ATP7A: variants seen among roughly 807,000 people sequenced by gnomAD.
ATP7A encodes copper-transporting ATPase 1.
ATP7A carries 7 observed loss-of-function variants against 83.5 expected under a neutral mutation model. The observed-to-expected ratio is 0.08, with a 90% CI of 0.05 to 0.16. ATP7A has a LOEUF of 0.16. ATP7A is among the 10% of genes least tolerant of loss of function. The probability of loss-of-function intolerance (pLI) is 1.00; values close to 1 mark genes in which losing one functional copy is unlikely to be tolerated. For synonymous variants in ATP7A, 354 were observed against 395.2 expected (o/e 0.90, Z 1.24); for missense variants, 940 against 1,120.8 (o/e 0.84, Z 2.30).
intron 1 of ATP7A, among the ~76,000 whole-genome samples, chrX:77,941,385 G>T (rs1304602732): frequency 1.8e-5 from 2 of 111,110 alleles, no homozygotes; most frequent in African/African-American, 6.5e-5. Flanking sequence ...TATTGTGGAG[G>T]TCTATATGTC....
intron 5 of ATP7A, among the ~76,000 whole-genome samples, chrX:78,000,213 G>A (rs2077730974): frequency 1.8e-5 from 2 of 110,884 alleles, no homozygotes; most frequent in African/African-American, 6.6e-5. Context: ...CTTCAGTTTA[G>A]CCTCCATTAT....
Position 77,910,720 on chromosome X carries a change from C to T in ATP7A, c.-137C>T, listed in dbSNP as rs191433347. 8.9e-6 allele frequency: 1 copy of T among 112,234 alleles called. No homozygotes were observed. Among genetic ancestry groups the T allele is most frequent in the Non-Finnish European group, 1.9e-5 (1 of 53,266 alleles). The allele number at this position is 112,234 out of a possible 1,213,427, so 9.2% of individuals were successfully genotyped here. On this transcript the variant is annotated 5_prime_UTR_variant, in exon 1 of 23. Coordinates refer to ENST00000341514, the MANE Select transcript of ATP7A (RefSeq NM_000052.7). The stretch of plus-strand genomic sequence containing the variant: ...GAGTTGTTGCTGCCGCCGCCGCAGC[C>T]GCAGCTACTGTGACTTCTCCGATTG...
In ATP7A at chrX:77,988,395, G is replaced by C; in HGVS notation, c.274G>C (p.Val92Leu). ...PVLTDTLFLT[V>L]TASLTLPWDH... ...TTTAACTGACACCTTGTTTCTGACTGTTACGGCGTCACTGACTTTGCCATG... is the reference window on the plus strand; with the variant it reads ...TTTAACTGACACCTTGTTTCTGACTCTTACGGCGTCACTGACTTTGCCATG... The change falls in exon 3 of 23, where the codon GTT becomes CTT. Residue 92 changes from valine (V) to leucine (L), a missense_variant. This residue lies in a region of ATP7A where 350 missense variants were observed against 432.8 expected (regional missense o/e 0.81). Coordinates refer to ENST00000341514, the MANE Select transcript of ATP7A (RefSeq NM_000052.7). 8.3e-7 allele frequency: 1 copy of C among 1,211,586 alleles called. No individual in the cohort carries two copies. Among genetic ancestry groups the C allele is most frequent in the Non-Finnish European group, 1.1e-6 (1 of 895,406 alleles).
chrX:78,027,770 C>G (rs1557236502), intron 14 of ATP7A, among the ~76,000 whole-genome samples: 1 of 110,765 alleles, frequency 9.0e-6, no homozygotes, highest in African/African-American at 3.3e-5. Context: ...AATAGAGAAC[C>G]CAGAAATAAA....
At position 78,043,413 on chromosome X, in the gene ATP7A, G is replaced by A. The variant is rs782483019; in HGVS notation, c.4102G>A (p.Val1368Ile). 1 of 1,206,433 alleles carries A rather than the reference G, an allele frequency of 8.3e-7. No individual in the cohort carries two copies. The highest frequency in any genetic ancestry group is 2.3e-4 in the Middle Eastern group (1 of 4,337). ...TGTCTTTGCTCTAATTTATAATCTG[G>A]TTGGAATTCCCATAGCTGCTGGTAT... ...NFVFALIYNL[V>I]GIPIAAGVFM... The change falls in exon 21 of 23, where the codon GTT becomes ATT. Residue 1368 changes from valine (V) to isoleucine (I), a missense_variant. By Grantham distance (29) the Val-to-Ile change is conservative. This residue lies in a region of ATP7A where 386 missense variants were observed against 502.2 expected (regional missense o/e 0.77). Coordinates refer to ENST00000341514, the MANE Select transcript of ATP7A (RefSeq NM_000052.7).
At chrX:77,981,640 T>G (rs1315083908) in intron 2 of ATP7A, among the ~76,000 whole-genome samples, 5 of 111,396 alleles carry the variant, frequency 4.5e-5, no homozygotes, top group African/African-American at 1.6e-4. Flanking sequence ...CAAGACCTTG[T>G]CTTTTAAAAA....
At chrX:77,990,371 G>C (rs1182040809) in intron 4 of ATP7A, among the ~76,000 whole-genome samples, 1 of 111,915 alleles carries the variant, frequency 8.9e-6, no homozygotes, top group Non-Finnish European at 1.9e-5. Context: ...TTATGTATAT[G>C]AATAAGATTC....
chrX:77,977,425 T>G (rs1365789653), intron 2 of ATP7A, among the ~76,000 whole-genome samples: 1 of 112,395 alleles, frequency 8.9e-6, no homozygotes, highest in Non-Finnish European at 1.9e-5. Flanking sequence ...AGGTACTTAT[T>G]GTCCACTGAC....
chrX:78,041,219 A>T (rs2078045667), intron 19 of ATP7A, among the ~76,000 whole-genome samples: 1 of 111,539 alleles, frequency 9.0e-6, no homozygotes, highest in Non-Finnish European at 1.9e-5. Flanking sequence ...TAACTTTGGA[A>T]TGCCTTCTCC....
intron 4 of ATP7A, among the ~76,000 whole-genome samples, chrX:77,992,929 A>T (rs1557232234): frequency 8.9e-6 from 1 of 112,362 alleles, no homozygotes; most frequent in Admixed American, 9.4e-5. Flanking sequence ...ACATTTTTTT[A>T]AATTTTTGAA....
intron 16 of ATP7A, among the ~76,000 whole-genome samples, chrX:78,033,355 T>G (rs2077994252): frequency 8.9e-6 from 1 of 112,791 alleles, no homozygotes. Flanking sequence ...CCCAGCCGGC[T>G]TCTTCAGCTG....
intron 1 of ATP7A, chrX:77,923,251 C>T (rs1373811447): frequency 8.9e-6 from 1 of 112,030 alleles, no homozygotes; most frequent in African/African-American, 3.2e-5. Flanking sequence ...ATATTTTCAT[C>T]TGCACCCTAG....
In ATP7A at chrX:77,936,887, A is replaced by G. The variant is rs930079455; in HGVS notation, c.-22+26052A>G. On this transcript the variant is annotated intron_variant, in intron 1 of 22. Coordinates refer to ENST00000341514, the MANE Select transcript of ATP7A (RefSeq NM_000052.7). Reference sequence around the variant, plus strand: ...TGGCCTCAAGCCATCCTCTTACCACAGCCTCCTGAATAGCTGGGACTACAA... The same window carrying G: ...TGGCCTCAAGCCATCCTCTTACCACGGCCTCCTGAATAGCTGGGACTACAA... 4.4e-5 allele frequency among the ~76,000 whole-genome samples: 5 copies of G among 112,440 alleles called. No individual in the cohort carries two copies. In the East Asian group the frequency reaches 1.1e-3, roughly 25 times the overall value.
At chrX:78,036,976 G>A (rs1557237824) in intron 17 of ATP7A, among the ~76,000 whole-genome samples, 1 of 111,674 alleles carries the variant, frequency 9.0e-6, no homozygotes, top group Admixed American at 9.5e-5. Context: ...GATATATATG[G>A]CGTATGAGAC....
At chrX:77,954,606 A>T (rs1182088533) in intron 1 of ATP7A, among the ~76,000 whole-genome samples, 5 of 112,295 alleles carry the variant, frequency 4.5e-5, no homozygotes, top group African/African-American at 1.3e-4. Flanking sequence ...AAAGAAAAGG[A>T]TGAATTATAT....
At chrX:78,042,455 A>G in intron 19 of ATP7A, 130 bp from the exon 20 acceptor site, 1 of 669,388 alleles carries the variant, frequency 1.5e-6, no homozygotes, top group Admixed American at 2.5e-5. Flanking sequence ...CATCCTTGCT[A>G]TCACTAGATA....
At position 77,999,837 on chromosome X, in the gene ATP7A, G is replaced by C. The variant is rs1250488389; in HGVS notation, c.1543+1153G>C. 3.7e-5 allele frequency among the ~76,000 whole-genome samples: 4 copies of C among 107,627 alleles called. No homozygotes were observed. In the South Asian group the frequency reaches 1.7e-3, roughly 45 times the overall value. 93.5% of individuals were successfully genotyped at this position (107,627 alleles called of 115,157 possible). A position where few individuals can be genotyped will look rare whatever the true frequency, so the allele number is the denominator to read the frequency against. On this transcript the variant is annotated intron_variant, in intron 5 of 22. Coordinates refer to ENST00000341514, the MANE Select transcript of ATP7A (RefSeq NM_000052.7). The stretch of plus-strand genomic sequence containing the variant: ...GAGAATCTCTTGAACCTGAGAGGCG[G>C]AGGTTGCAGTGAGCTGAGATCGTGC...
At chrX:78,030,550 A>G (rs1250956999) in intron 15 of ATP7A, among the ~76,000 whole-genome samples, 1 of 111,505 alleles carries the variant, frequency 9.0e-6, no homozygotes, top group Non-Finnish European at 1.9e-5. Context: ...TATCAAAATC[A>G]ATAAATTAAT....
At chrX:77,911,709 C>T (rs1327413504) in intron 1 of ATP7A, among the ~76,000 whole-genome samples, 1 of 110,691 alleles carries the variant, frequency 9.0e-6, no homozygotes, top group Non-Finnish European at 1.9e-5. Context: ...TTTGGGAGGC[C>T]GAGGAGGGTG....
Sources: gnomAD v4.1 joint callset for allele counts (sites outside exome capture counted in the v4.1 genomes callset) on GRCh38, gnomAD v4.1.1 for gene constraint, gnomAD v4.1.1 regional missense constraint, MANE v1.5 for transcripts, NCBI Gene and HGNC (gene_info 2026-07-23, HGNC 2026-07-21) for gene names.